Variants in DDC observed in about 807,000 individuals in gnomAD.
DDC encodes dopa decarboxylase, also known as aromatic-L-amino-acid decarboxylase.
Under a neutral mutation model 60.0 loss-of-function variants are expected in DDC, and 43 were observed. The observed-to-expected ratio is 0.72, with a 90% CI of 0.56 to 0.92. The LOEUF (loss-of-function observed/expected upper bound fraction) is 0.92, where lower values mean the gene tolerates loss of function less well. DDC is among the 40% of genes least tolerant of loss of function. The probability of loss-of-function intolerance (pLI) is 0.00; values close to 1 mark genes in which losing one functional copy is unlikely to be tolerated. For missense variants in DDC, 573 were observed against 620.2 expected, an observed-to-expected ratio of 0.92 and a Z score of 0.81; for synonymous variants, 232 against 234.6, an observed-to-expected ratio of 0.99 and a Z score of 0.10.
chr7:50,472,327 T>C (rs1199556471), intron 11 of DDC, among the ~76,000 whole-genome samples: 1 of 152,206 alleles, frequency 6.6e-6, no homozygotes, highest in East Asian at 1.9e-4. Flanking sequence ...TAAAACCCAT[T>C]TGACCCTCAT....
rs377258673 is a variant in DDC, at chr7:50,499,289, A to C, written c.782-47T>G. ...TGAGTCCCCAGATGGATGCCTCACC[A>C]CGGAGCCTGCCAGCTGACCTCGCCC... On this transcript the variant is annotated intron_variant, in intron 7 of 14. Transcript: ENST00000444124. 4.6e-5 allele frequency: 64 copies of C among 1,378,360 alleles called. No homozygotes were observed. The African/African-American group carries it at 7.2e-4, about 16-fold the overall frequency. The allele number at this position is 1,378,360 out of a possible 1,614,324, so 85.4% of individuals were successfully genotyped here.
At chr7:50,522,182 A>T (rs2043910940) in intron 6 of DDC, among the ~76,000 whole-genome samples, 1 of 133,452 alleles carries the variant, frequency 7.5e-6, no homozygotes, top group Non-Finnish European at 1.6e-5. Flanking sequence ...AACCATTCCC[A>T]TTAGCACCAA....
At chr7:50,529,088 G>A in intron 5 of DDC, 120 bp downstream of exon 5, 2 of 1,327,376 alleles carry the variant, frequency 1.5e-6, no homozygotes. Flanking sequence ...TCTCTATTTA[G>A]TGATACCTGA....
intron 4 of DDC, among the ~76,000 whole-genome samples, chr7:50,532,232 C>T (rs2044239695): frequency 6.6e-6 from 1 of 152,120 alleles, no homozygotes; most frequent in Non-Finnish European, 1.5e-5. Flanking sequence ...GGTGAGCTTC[C>T]GGTGGCAAAC....
intron 13 of DDC, among the ~76,000 whole-genome samples, chr7:50,466,578 C>G (rs1344941046): frequency 6.6e-6 from 1 of 151,496 alleles, no homozygotes; most frequent in Non-Finnish European, 1.5e-5. Context: ...GGGAGATTAC[C>G]AAGGGGCATG....
chr7:50,547,508 C>T (rs1309234354), intron 1 of DDC, among the ~76,000 whole-genome samples: 3 of 152,180 alleles, frequency 2.0e-5, no homozygotes. Flanking sequence ...TGAGCCACCG[C>T]ACCTGCCCGA....
At chr7:50,540,222 T>G (rs1303905510) in intron 2 of DDC, 194 bp from the exon 3 acceptor site, 4 of 618,748 alleles carry the variant, frequency 6.5e-6, no homozygotes, top group African/African-American at 5.4e-5. Flanking sequence ...ATCACCTTAC[T>G]GTCCCCACTC....
intron 6 of DDC, among the ~76,000 whole-genome samples, chr7:50,506,309 T>G (rs1423505921): frequency 6.6e-6 from 1 of 151,958 alleles, no homozygotes; most frequent in Non-Finnish European, 1.5e-5. Context: ...TGAATTTGCT[T>G]TTTTTTTACA....
chr7:50,478,056 AC>A (rs374002942), intron 10 of DDC, among the ~76,000 whole-genome samples: 3,331 of 150,868 alleles, frequency 0.022, 179 homozygotes, highest in Admixed American at 0.12. Context: ...AAAAAAAAAT[AC>A]AAAAAATTAT....
intron 6 of DDC, among the ~76,000 whole-genome samples, chr7:50,505,063 G>T (rs548579497): frequency 2.6e-5 from 4 of 152,196 alleles, no homozygotes; most frequent in Non-Finnish European, 5.9e-5. Context: ...GAAAATACGG[G>T]CTGGGAGTCA....
chr7:50,480,610 C>T (rs964117732), intron 9 of DDC, among the ~76,000 whole-genome samples: 9 of 152,098 alleles, frequency 5.9e-5, no homozygotes, highest in African/African-American at 1.2e-4. Flanking sequence ...TGGAGTCTGA[C>T]GCTACCTCTA....
chr7:50,488,078 G>A (rs143388225), intron 9 of DDC, among the ~76,000 whole-genome samples: 66 of 152,004 alleles, frequency 4.3e-4, no homozygotes, highest in Non-Finnish European at 7.4e-4. Context: ...CCTGAAATTC[G>A]CAGGCTATAA....
intron 14 of DDC, among the ~76,000 whole-genome samples, chr7:50,462,153 ATAGG>A (rs1050883699): frequency 7.5e-5 from 11 of 146,464 alleles, no homozygotes; most frequent in African/African-American, 2.7e-4. Context: ...TGCAAAAAGG[ATAGG>A]GAGAGAGAGA....
intron 13 of DDC, among the ~76,000 whole-genome samples, chr7:50,464,500 A>G (rs73695681): frequency 0.052 from 7,942 of 152,304 alleles, 474 homozygotes; most frequent in African/African-American, 0.15. Context: ...AGAAATTATC[A>G]TACCAAGGGA....
intron 1 of DDC, among the ~76,000 whole-genome samples, chr7:50,564,874 A>G (rs138727715): frequency 1.3e-5 from 2 of 152,370 alleles, no homozygotes; most frequent in South Asian, 2.1e-4. Context: ...AATCACCTCC[A>G]TAAAATCATG....
At chr7:50,521,116 T>C (rs763933492) in intron 6 of DDC, among the ~76,000 whole-genome samples, 4 of 151,952 alleles carry the variant, frequency 2.6e-5, no homozygotes, top group Admixed American at 6.6e-5. Flanking sequence ...GAAAGGAAAG[T>C]AGAACCATCA....
rs1425913656 is a variant in DDC, at chr7:50,470,156, G to A, written c.1057C>T (p.Leu353=). ...ITDYRHWQIP[L]GRRFRSLKMW... ...TTCAAAGAGCGAAATCTTCTGCCCA[G>A]TGGTATCTGCCAATGCTGAAATGAA... Residue 353 remains leucine (L), a synonymous_variant, in exon 12 of 15, where the codon CTG becomes TTG. Coordinates refer to ENST00000444124, the MANE Select transcript of DDC (RefSeq NM_001082971.2). 1 of 1,610,908 alleles carries A rather than the reference G, an allele frequency of 6.2e-7. No homozygotes were observed. Among genetic ancestry groups the A allele is most frequent in the Non-Finnish European group, 8.5e-7 (1 of 1,177,270 alleles).
At chr7:50,554,980 G>A (rs1181010502) in intron 1 of DDC, among the ~76,000 whole-genome samples, 1 of 152,196 alleles carries the variant, frequency 6.6e-6, no homozygotes, top group East Asian at 1.9e-4. Context: ...CTTATTAGCT[G>A]GGTGACCTTA....
intron 6 of DDC, among the ~76,000 whole-genome samples, chr7:50,524,283 T>C (rs1438721885): frequency 6.6e-6 from 1 of 152,150 alleles, no homozygotes; most frequent in African/African-American, 2.4e-5. Flanking sequence ...GAAAATTCAA[T>C]AGAAATAGTG....
Sources: allele counts gnomAD v4.1 joint callset (sites outside exome capture counted in the v4.1 genomes callset), GRCh38; gene constraint gnomAD v4.1.1; transcripts MANE v1.5; gene names NCBI Gene and HGNC (gene_info 2026-07-23, HGNC 2026-07-21).